EIF4G3: variants seen among roughly 807,000 people sequenced by gnomAD.
EIF4G3 encodes eukaryotic translation initiation factor 4 gamma 3.
In EIF4G3, 34 loss-of-function variants were observed where a neutral mutation model predicts 186.4. That is an observed-to-expected ratio of 0.18 (90% CI 0.14 to 0.24). EIF4G3 has a LOEUF of 0.24. Among genes scored for constraint, EIF4G3 ranks in the 10% least tolerant of loss-of-function variants. The pLI, the probability that EIF4G3 is intolerant of heterozygous loss-of-function variation, is 1.00. For synonymous variants in EIF4G3, 673 were observed against 679.5 expected, an observed-to-expected ratio of 0.99 and a Z score of 0.15; for missense variants, 1,536 against 1,948.5, an observed-to-expected ratio of 0.79 and a Z score of 3.99.
At chr1:21,094,443 A>G (rs1311215273) in intron 2 of EIF4G3, among the ~76,000 whole-genome samples, 4 of 151,970 alleles carry the variant, frequency 2.6e-5, no homozygotes, top group African/African-American at 7.3e-5. Context: ...ATGCAGCCAT[A>G]AAAAAGGATG....
At chr1:20,861,610 T>C (rs190747259) in intron 23 of EIF4G3, among the ~76,000 whole-genome samples, 101 of 152,354 alleles carry the variant, frequency 6.6e-4, no homozygotes, top group African/African-American at 1.3e-3. Context: ...TTGCTGATTA[T>C]TTAGCTCACA....
At chr1:20,912,237 A>G (rs1437654630) in intron 14 of EIF4G3, among the ~76,000 whole-genome samples, 1 of 152,220 alleles carries the variant, frequency 6.6e-6, no homozygotes, top group Non-Finnish European at 1.5e-5. Flanking sequence ...TGATCACACC[A>G]CTGCACTTTA....
At chr1:21,086,603 C>T (rs970245658) in intron 3 of EIF4G3, among the ~76,000 whole-genome samples, 1 of 152,052 alleles carries the variant, frequency 6.6e-6, no homozygotes, top group Non-Finnish European at 1.5e-5. Context: ...GCAATTAACA[C>T]GTTCCTGTCT....
chr1:21,064,578 A>G (rs2095129071), intron 3 of EIF4G3: 1 of 152,188 alleles, frequency 6.6e-6, no homozygotes, highest in Non-Finnish European at 1.5e-5. Context: ...ATCGTGTAGC[A>G]CTATATTATG....
At chr1:20,896,435 C>CAAAAAA (rs201025308) in intron 16 of EIF4G3, among the ~76,000 whole-genome samples, 22 of 52,976 alleles carry the variant, frequency 4.2e-4, no homozygotes, top group South Asian at 7.0e-4. Flanking sequence ...GATTCTATCT[C>CAAAAAA]AAAAAAAAAA....
chr1:20,960,156 T>C (rs2096538722), intron 12 of EIF4G3, among the ~76,000 whole-genome samples: 1 of 152,208 alleles, frequency 6.6e-6, no homozygotes, highest in African/African-American at 2.4e-5. Flanking sequence ...CATTTTGATA[T>C]ATAAGTGTAT....
intron 3 of EIF4G3, among the ~76,000 whole-genome samples, chr1:21,069,380 T>A (rs2095371478): frequency 6.6e-6 from 1 of 152,220 alleles, no homozygotes; most frequent in South Asian, 2.1e-4. Context: ...TGTCTCTTCC[T>A]CACATTCCCA....
intron 10 of EIF4G3, among the ~76,000 whole-genome samples, chr1:20,976,107 G>T (rs551654252): frequency 6.6e-5 from 10 of 151,626 alleles, no homozygotes; most frequent in Non-Finnish European, 1.3e-4. Context: ...TAACAATCAT[G>T]AAATACAAAC....
rs189583543 is a variant in EIF4G3 at position 21,080,124 on chromosome 1, C to T, written c.-196+9014G>A. Reference sequence around the variant, plus strand: ...CAACACGGTGCCACTGCAGTCCAGCCTCGGTGACAGAGTAAGACTCCAACT... The same window carrying T: ...CAACACGGTGCCACTGCAGTCCAGCTTCGGTGACAGAGTAAGACTCCAACT... On this transcript the variant is annotated intron_variant, in intron 3 of 36. Transcript: ENST00000602326. 7.3e-5 allele frequency among the ~76,000 whole-genome samples: 11 copies of T among 150,836 alleles called. No individual in the cohort carries two copies. The East Asian group carries it at 2.2e-3, about 30-fold the overall frequency.
At chr1:20,986,178 C>T (rs560558128) in intron 7 of EIF4G3, among the ~76,000 whole-genome samples, 2 of 152,270 alleles carry the variant, frequency 1.3e-5, no homozygotes, top group African/African-American at 4.8e-5. Context: ...GAGGTGGGGT[C>T]TGCCCAGAAT....
rs1231291869 is a variant in EIF4G3 at position 21,079,527 on chromosome 1, C to CT, written c.-196+9610dup. Among the ~76,000 whole-genome samples the CT allele has an allele frequency of 1.7e-3, 219 of 129,872 alleles. 4 individuals carry two copies. The highest frequency in any genetic ancestry group is 8.9e-3 in the East Asian group (36 of 4,042). 85.2% of individuals were successfully genotyped at this position (129,872 alleles called of 152,430 possible). On this transcript the variant is annotated intron_variant, in intron 3 of 36. Coordinates refer to ENST00000602326, the MANE Select transcript of EIF4G3 (RefSeq NM_001391906.1). ...TACAGAAAAAAAAAAAAAAAAAATG[C>CT]TTTTTAATTAGCCAGGAGTCATGAT...
intron 19 of EIF4G3, among the ~76,000 whole-genome samples, chr1:20,885,774 T>A (rs2083918313): frequency 6.6e-6 from 1 of 152,228 alleles, no homozygotes; most frequent in South Asian, 2.1e-4. Context: ...AGAATTAAAT[T>A]TTATTCCAAA....
At chr1:21,077,967 G>A (rs2095641397) in intron 3 of EIF4G3, among the ~76,000 whole-genome samples, 1 of 150,786 alleles carries the variant, frequency 6.6e-6, no homozygotes, top group African/African-American at 2.4e-5. Flanking sequence ...ACATAAGTTA[G>A]TAAGGCCACT....
intron 19 of EIF4G3, 75 bp from the exon 20 acceptor site, chr1:20,879,595 TA>T: frequency 1.1e-6 from 1 of 893,062 alleles, no homozygotes; most frequent in African/African-American, 1.7e-5. Context: ...TGATTAATTT[TA>T]AAAATAATAT....
chr1:20,906,355 T>C (rs2092089162), intron 14 of EIF4G3, among the ~76,000 whole-genome samples: 2 of 152,198 alleles, frequency 1.3e-5, no homozygotes, highest in African/African-American at 4.8e-5. Context: ...TCCAAAATTC[T>C]TGTGATTTTC....
chr1:20,925,363 T>C (rs1000615823), intron 14 of EIF4G3, among the ~76,000 whole-genome samples: 1 of 152,180 alleles, frequency 6.6e-6, no homozygotes, highest in Non-Finnish European at 1.5e-5. Context: ...TCAAATCTTA[T>C]TTGAATTCTG....
chr1:21,050,498 A>G (rs982742971), intron 4 of EIF4G3, among the ~76,000 whole-genome samples: 5 of 152,240 alleles, frequency 3.3e-5, no homozygotes, highest in African/African-American at 9.6e-5. Flanking sequence ...TCACATAAGT[A>G]GAAAATAACC....
chr1:21,048,966 A>G (rs1472268808), intron 4 of EIF4G3, among the ~76,000 whole-genome samples: 2 of 152,172 alleles, frequency 1.3e-5, no homozygotes, highest in Admixed American at 6.5e-5. Flanking sequence ...GAAGTTTCCA[A>G]TTTTGAGTAG....
At chr1:20,817,269 TAA>T (rs2061289116) in intron 34 of EIF4G3, 121 bp downstream of exon 34, 1 of 254,784 alleles carries the variant, frequency 3.9e-6, no homozygotes, top group South Asian at 1.7e-4. Context: ...AATAAAAAAA[TAA>T]ATAAATAAAA....
Sources: gnomAD v4.1 joint callset for allele counts (sites outside exome capture counted in the v4.1 genomes callset) on GRCh38, gnomAD v4.1.1 for gene constraint, MANE v1.5 for transcripts, NCBI Gene and HGNC (gene_info 2026-07-23, HGNC 2026-07-21) for gene names.